NXN: variants seen among roughly 807,000 people sequenced by gnomAD.
NXN encodes nucleoredoxin 1.
In NXN, 16 loss-of-function variants were observed where a neutral mutation model predicts 48.6. That is an observed-to-expected ratio of 0.33 (90% CI 0.22 to 0.50). NXN has a LOEUF of 0.50. Among genes scored for constraint, NXN ranks in the 20% least tolerant of loss-of-function variants. NXN has a pLI of 0.98. For missense variants in NXN, 492 were observed against 605.5 expected (o/e 0.81, Z 1.97); for synonymous variants, 281 against 269.6 (o/e 1.04, Z -0.41).
Position 914,787 on chromosome 17 carries a change from G to A in NXN, c.360+64532C>T, listed in dbSNP as rs78929125. On this transcript the variant is annotated intron_variant, in intron 1 of 7. Coordinates refer to ENST00000336868, the MANE Select transcript of NXN (RefSeq NM_022463.5). The stretch of plus-strand genomic sequence containing the variant: ...AGCAAGACTGTTGGGTGTAGAGGAG[G>A]CGGAGCTGGATGTGGGGAACCAGGG... Among the ~76,000 whole-genome samples the A allele has an allele frequency of 0.016, 2,366 of 152,258 alleles. 118 individuals carry two copies. In the East Asian group the frequency reaches 0.18, roughly 12 times the overall value.
chr17:895,272 C>T (rs1319718187), intron 1 of NXN, among the ~76,000 whole-genome samples: 1 of 151,866 alleles, frequency 6.6e-6, no homozygotes, highest in Non-Finnish European at 1.5e-5. Flanking sequence ...CTGCCCCAGC[C>T]TCCCAAAGTG....
chr17:948,470 G>C (rs1013478185), intron 1 of NXN, among the ~76,000 whole-genome samples: 1 of 152,130 alleles, frequency 6.6e-6, no homozygotes, highest in African/African-American at 2.4e-5. Flanking sequence ...GGTACTGAGG[G>C]GTAGGAGCGG....
rs989180961 is a variant in NXN at position 825,292 on chromosome 17, C to A, written c.478+669G>T. Among the ~76,000 whole-genome samples, 13 of 151,298 alleles carry A rather than the reference C, an allele frequency of 8.6e-5. No homozygotes were observed. Among genetic ancestry groups the A allele is most frequent in the Admixed American group, 1.3e-4 (2 of 15,170 alleles). On this transcript the variant is annotated intron_variant, in intron 2 of 7. Coordinates refer to ENST00000336868, the MANE Select transcript of NXN (RefSeq NM_022463.5). The surrounding 1 kb of genome is among the most constrained non-coding windows in gnomAD (Gnocchi z 4.1). ...GCCGTGGTTTTTACTGAGGACAATT[C>A]TTTGAAGTAGGTGGCATTTTTACTG...
intron 1 of NXN, among the ~76,000 whole-genome samples, chr17:889,197 GC>G (rs2068382490): frequency 1.3e-5 from 2 of 152,184 alleles, no homozygotes; most frequent in African/African-American, 2.4e-5. Flanking sequence ...AGAGCAGAAA[GC>G]CCAGCGCCTG....
chr17:840,908 C>G (rs550152850), intron 1 of NXN, among the ~76,000 whole-genome samples: 1 of 152,182 alleles, frequency 6.6e-6, no homozygotes, highest in East Asian at 1.9e-4. Flanking sequence ...AACCACTGCC[C>G]CCACAAGCCT....
intron 1 of NXN, among the ~76,000 whole-genome samples, chr17:855,667 C>T (rs2067977238): frequency 6.6e-6 from 1 of 152,170 alleles, no homozygotes; most frequent in African/African-American, 2.4e-5. Context: ...CAGCCAGATA[C>T]CCACAAATGT....
In NXN at chr17:917,234, C is replaced by T. The variant is rs912314135; in HGVS notation, c.360+62085G>A. Among the ~76,000 whole-genome samples, 28 of 152,110 alleles carry T rather than the reference C, an allele frequency of 1.8e-4. No homozygotes were observed. The highest frequency in any genetic ancestry group is 6.2e-4 in the South Asian group (3 of 4,814). ...TCGGCTCGCCGTGGCCTCCGCCTCG[C>T]GGGTTCAAGCGATTCTCCTGCCTCA... On this transcript the variant is annotated intron_variant, in intron 1 of 7. Coordinates refer to ENST00000336868, the MANE Select transcript of NXN (RefSeq NM_022463.5). The surrounding 1 kb of genome is among the most constrained non-coding windows in gnomAD (Gnocchi z 4.5).
In NXN at chr17:920,842, C is replaced by T. The variant is rs1191677852; in HGVS notation, c.360+58477G>A. ...GGTTCAAGCGATTCTCTTGCCTCAA[C>T]CTCCCGAGTAGTTGGGATTACAGGC... On this transcript the variant is annotated intron_variant, in intron 1 of 7. Transcript: ENST00000336868. The surrounding 1 kb of genome is among the most constrained non-coding windows in gnomAD (Gnocchi z 4.6). 6.6e-6 allele frequency among the ~76,000 whole-genome samples: 1 copy of T among 151,934 alleles called. No individual in the cohort carries two copies. Among genetic ancestry groups the T allele is most frequent in the Non-Finnish European group, 1.5e-5 (1 of 68,006 alleles).
chr17:838,753 GC>G (rs1245060281), intron 1 of NXN, among the ~76,000 whole-genome samples: 1 of 152,212 alleles, frequency 6.6e-6, no homozygotes, highest in Non-Finnish European at 1.5e-5. Context: ...GACTAGAGCT[GC>G]CAGGAGGGCC....
intron 1 of NXN, among the ~76,000 whole-genome samples, chr17:912,896 G>C (rs986766446): frequency 6.6e-6 from 1 of 152,044 alleles, no homozygotes; most frequent in African/African-American, 2.4e-5. Context: ...GGAGCTTGCA[G>C]TGAGCCAAGA....
In NXN at chr17:932,793, G is replaced by A. The variant is rs540809085; in HGVS notation, c.360+46526C>T. 7.2e-5 allele frequency among the ~76,000 whole-genome samples: 11 copies of A among 152,242 alleles called. No individual in the cohort carries two copies. In the East Asian group the frequency reaches 1.7e-3, roughly 24 times the overall value. ...GGCCGGCTTCGCATAAGTCATCTGCGCCCGCCACCACGCCAGGCTAATTTT... is the reference window on the plus strand; with the variant it reads ...GGCCGGCTTCGCATAAGTCATCTGCACCCGCCACCACGCCAGGCTAATTTT... On this transcript the variant is annotated intron_variant, in intron 1 of 7. Coordinates refer to ENST00000336868, the MANE Select transcript of NXN (RefSeq NM_022463.5). The surrounding 1 kb of genome is among the most constrained non-coding windows in gnomAD (Gnocchi z 4.1).
intron 1 of NXN, among the ~76,000 whole-genome samples, chr17:869,063 C>T (rs2068124443): frequency 6.6e-6 from 1 of 151,790 alleles, no homozygotes; most frequent in South Asian, 2.1e-4. Context: ...CAGATTCTAC[C>T]CAAGCCTCCT....
At chr17:942,846 ACAAG>A (rs2068994062) in intron 1 of NXN, among the ~76,000 whole-genome samples, 1 of 23,900 alleles carries the variant, frequency 4.2e-5, no homozygotes, top group Non-Finnish European at 8.9e-5. Context: ...TTTACAGTGA[ACAAG>A]ATTCCAGGGT....
At chr17:885,708 A>T (rs2068338454) in intron 1 of NXN, among the ~76,000 whole-genome samples, 1 of 94,680 alleles carries the variant, frequency 1.1e-5, no homozygotes. Flanking sequence ...TTTGAGACAG[A>T]GTCGCTCTGT....
chr17:810,853 C>A (rs1416555436), intron 5 of NXN, among the ~76,000 whole-genome samples: 2 of 152,040 alleles, frequency 1.3e-5, no homozygotes, highest in African/African-American at 4.8e-5. Context: ...CTTGCCACTG[C>A]ACTCCAGCCT....
At chr17:867,470 T>C (rs2068105935) in intron 1 of NXN, among the ~76,000 whole-genome samples, 1 of 152,244 alleles carries the variant, frequency 6.6e-6, no homozygotes, top group South Asian at 2.1e-4. Flanking sequence ...GCTACCAACA[T>C]ATGCTTTCCT....
chr17:904,955 G>A (rs981186559), intron 1 of NXN, among the ~76,000 whole-genome samples: 13 of 152,086 alleles, frequency 8.5e-5, no homozygotes, highest in Admixed American at 6.6e-4. Context: ...TGCAAGGTCT[G>A]TTTCCCGTCT....
At chr17:851,668 G>T (rs538687071) in intron 1 of NXN, among the ~76,000 whole-genome samples, 1 of 152,278 alleles carries the variant, frequency 6.6e-6, no homozygotes, top group South Asian at 2.1e-4. Flanking sequence ...TTTACAATTT[G>T]CGCCCTCCTC....
intron 1 of NXN, among the ~76,000 whole-genome samples, chr17:873,634 C>T (rs1384543072): frequency 1.3e-5 from 2 of 152,100 alleles, no homozygotes; most frequent in African/African-American, 4.8e-5. Context: ...TTCTTGAGAC[C>T]TCCTTAGCTA....
Sources: gnomAD v4.1 joint callset for allele counts (sites outside exome capture counted in the v4.1 genomes callset) on GRCh38, gnomAD v4.1.1 for gene constraint, Gnocchi (gnomAD v3.1) non-coding constraint, MANE v1.5 for transcripts, NCBI Gene and HGNC (gene_info 2026-07-23, HGNC 2026-07-21) for gene names.